The following TRPM3 variants were observed in gnomAD, a reference collection of about 807,000 sequenced individuals.
TRPM3 encodes transient receptor potential cation channel subfamily M member 3, also known as long transient receptor potential channel 3.
TRPM3 carries 77 observed loss-of-function variants against 181.2 expected under a neutral mutation model. The ratio of observed to expected loss-of-function variants is 0.42; its 90% CI spans 0.35 to 0.51. TRPM3 has a LOEUF of 0.51. Among genes scored for constraint, TRPM3 ranks in the 20% least tolerant of loss-of-function variants. The pLI, the probability that TRPM3 is intolerant of heterozygous loss-of-function variation, is 0.01. For synonymous variants in TRPM3, 745 were observed against 796.4 expected, an observed-to-expected ratio of 0.94 and a Z score of 1.09; for missense variants, 1,759 against 2,196.7, an observed-to-expected ratio of 0.80 and a Z score of 3.98.
chr9:71,405,311 A>G (rs192402571), intron 1 of TRPM3, among the ~76,000 whole-genome samples: 1 of 152,110 alleles, frequency 6.6e-6, no homozygotes, highest in Non-Finnish European at 1.5e-5. Flanking sequence ...AATTTTTTTT[A>G]AAAAAATCTT....
At chr9:71,328,455 C>G (rs965899814) in intron 1 of TRPM3, among the ~76,000 whole-genome samples, 1 of 152,166 alleles carries the variant, frequency 6.6e-6, no homozygotes, top group African/African-American at 2.4e-5. Flanking sequence ...CGTGAGCCAC[C>G]GCACCCGGCC....
intron 1 of TRPM3, among the ~76,000 whole-genome samples, chr9:71,406,918 A>G (rs2093446215): frequency 6.6e-6 from 1 of 152,038 alleles, no homozygotes; most frequent in Admixed American, 6.6e-5. Flanking sequence ...AGGGGCCAGT[A>G]TCAGCGCTGC....
intron 21 of TRPM3, among the ~76,000 whole-genome samples, chr9:70,597,025 C>T (rs1327779532): frequency 6.6e-6 from 1 of 152,122 alleles, no homozygotes; most frequent in Non-Finnish European, 1.5e-5. Context: ...ACCTTGCCTC[C>T]TGGGTTCAAG....
intron 1 of TRPM3, among the ~76,000 whole-genome samples, chr9:71,223,984 C>A (rs772794198): frequency 6.6e-6 from 1 of 152,182 alleles, no homozygotes; most frequent in Non-Finnish European, 1.5e-5. Flanking sequence ...AAGGGAAGAA[C>A]ACAAATCTGA....
chr9:71,317,891 A>G (rs1468950622), intron 1 of TRPM3, among the ~76,000 whole-genome samples: 1 of 152,132 alleles, frequency 6.6e-6, no homozygotes, highest in Non-Finnish European at 1.5e-5. Flanking sequence ...TGAAATAAAA[A>G]CAAAAATATA....
chr9:71,310,774 T>C (rs1051312719), intron 1 of TRPM3, among the ~76,000 whole-genome samples: 1 of 152,130 alleles, frequency 6.6e-6, no homozygotes, highest in Non-Finnish European at 1.5e-5. Context: ...GCTTCAAGCA[T>C]AGGACAATAC....
chr9:71,121,812 G>A (rs74425885), upstream of TRPM3, among the ~76,000 whole-genome samples: 14,873 of 152,126 alleles, frequency 0.098, 957 homozygotes, highest in Non-Finnish European at 0.15. Flanking sequence ...AACTGGTACG[G>A]GGGGAGGGGT....
chr9:70,977,141 A>T lies in TRPM3; in HGVS notation c.178-112630T>A, dbSNP rs549982376. ...CAGTCTGAACTGTTTTTATTTATTT[A>T]TTTTTTTTTTTGAGATGGAGTCTTG... On this transcript the variant is annotated intron_variant, in intron 1 of 25. Transcript: ENST00000677713. Among the ~76,000 whole-genome samples, 5 of 151,140 alleles carry T rather than the reference A, an allele frequency of 3.3e-5. No homozygotes were observed. The South Asian group carries it at 1.0e-3, about 32-fold the overall frequency.
intron 1 of TRPM3, among the ~76,000 whole-genome samples, chr9:70,978,291 T>G (rs1395572168): frequency 6.6e-6 from 1 of 152,238 alleles, no homozygotes; most frequent in African/African-American, 2.4e-5. Context: ...GTTTTGATGC[T>G]TCTTAGGGCC....
intron 1 of TRPM3, among the ~76,000 whole-genome samples, chr9:70,914,525 A>T (rs1002119733): frequency 6.6e-6 from 1 of 152,238 alleles, no homozygotes; most frequent in African/African-American, 2.4e-5. Flanking sequence ...AGCAGAACAG[A>T]CGTGTAGTGT....
intron 9 of TRPM3, among the ~76,000 whole-genome samples, chr9:70,679,054 C>A (rs370249289): frequency 7.2e-5 from 11 of 152,200 alleles, no homozygotes; most frequent in Admixed American, 5.9e-4. Context: ...TTTCTTAGAG[C>A]AATCATAATT....
chr9:71,015,038 C>G (rs746228800), intron 1 of TRPM3, among the ~76,000 whole-genome samples: 2 of 151,960 alleles, frequency 1.3e-5, no homozygotes, highest in Non-Finnish European at 2.9e-5. Context: ...ATGCACCTGG[C>G]CAATTCTTTA....
intron 1 of TRPM3, among the ~76,000 whole-genome samples, chr9:71,192,790 T>C (rs2078112698): frequency 6.6e-6 from 1 of 151,840 alleles, no homozygotes; most frequent in South Asian, 2.1e-4. Context: ...TGTGCTTCTG[T>C]TGCTCATGCT....
At chr9:71,024,403 A>C (rs1331601153) in intron 1 of TRPM3, among the ~76,000 whole-genome samples, 2 of 152,160 alleles carry the variant, frequency 1.3e-5, no homozygotes, top group African/African-American at 4.8e-5. Flanking sequence ...GGTGAGGCAA[A>C]GGGAGATTTG....
intron 1 of TRPM3, among the ~76,000 whole-genome samples, chr9:71,410,286 C>G (rs1446319475): frequency 2.3e-5 from 1 of 43,524 alleles, no homozygotes; most frequent in Non-Finnish European, 5.0e-5. Context: ...GATAGGGTCA[C>G]AAAAAACACT....
At chr9:70,795,572 G>A (rs2086815056) in intron 6 of TRPM3, among the ~76,000 whole-genome samples, 1 of 152,140 alleles carries the variant, frequency 6.6e-6, no homozygotes, top group Non-Finnish European at 1.5e-5. Flanking sequence ...GTGTCCAAAA[G>A]GCTAACTCTT....
intron 1 of TRPM3, among the ~76,000 whole-genome samples, chr9:71,394,075 A>G (rs2093131492): frequency 6.6e-6 from 1 of 152,228 alleles, no homozygotes; most frequent in Admixed American, 6.5e-5. Context: ...CATGAGAGAA[A>G]GCAAGAGATT....
intron 1 of TRPM3, among the ~76,000 whole-genome samples, chr9:71,058,638 G>C (rs563905507): frequency 1.3e-5 from 2 of 151,992 alleles, no homozygotes; most frequent in African/African-American, 4.8e-5. Flanking sequence ...CTTTTAGGCT[G>C]TAAATAACCT....
chr9:70,553,186 C>A lies in TRPM3; in HGVS notation c.3348G>T (p.Leu1116=). ...ACYLLVANIL[L]VNLLIAVFNN... ...TAAAGACAGCAATGAGGAGGTTGAC[C>A]AGCAAGATGTTTGCCACTAAGAGGT... Residue 1116 remains leucine (L), a synonymous_variant, in exon 23 of 26, where the codon CTG becomes CTT. Transcript: ENST00000677713. The A allele has an allele frequency of 1.9e-6, 3 of 1,614,084 alleles. 1 individual carries two copies. The Middle Eastern group carries it at 4.9e-4, about 266-fold the overall frequency.
Sources: gnomAD v4.1 joint callset for allele counts (sites outside exome capture counted in the v4.1 genomes callset) on GRCh38, gnomAD v4.1.1 for gene constraint, MANE v1.5 for transcripts, NCBI Gene and HGNC (gene_info 2026-07-23, HGNC 2026-07-21) for gene names.